Variants in EPHA8 observed in about 807,000 individuals in gnomAD.
EPHA8 encodes the protein ephrin type-A receptor 8.
In EPHA8, 58 loss-of-function variants were observed where a neutral mutation model predicts 103.6. The ratio of observed to expected loss-of-function variants is 0.56; its 90% CI spans 0.45 to 0.70. The LOEUF (loss-of-function observed/expected upper bound fraction) is 0.70, where lower values mean the gene tolerates loss of function less well. EPHA8 is among the 30% of genes least tolerant of loss of function. EPHA8 has a pLI of 0.00. For synonymous variants in EPHA8, 559 were observed against 572.5 expected, an observed-to-expected ratio of 0.98 and a Z score of 0.34; for missense variants, 1,304 against 1,395.2, an observed-to-expected ratio of 0.93 and a Z score of 1.04.
At chr1:22,582,445 G>A (rs1381590084) in intron 3 of EPHA8, among the ~76,000 whole-genome samples, 1 of 152,248 alleles carries the variant, frequency 6.6e-6, no homozygotes, top group Non-Finnish European at 1.5e-5. Context: ...TGATTTTGCA[G>A]AAGACAGTAT....
At chr1:22,579,223 A>ATGTGTGTGTATGTT (rs1225872343) in intron 3 of EPHA8, among the ~76,000 whole-genome samples, 16 of 148,492 alleles carry the variant, frequency 1.1e-4, no homozygotes, top group Admixed American at 8.0e-4. Context: ...GTGTGTATGT[A>ATGTGTGTGTATGTT]TGCATGTGTG....
chr1:22,576,099 GA>G lies in EPHA8; in HGVS notation c.160-117del. ...GGGCCTGGCATCTAGTAGCCACCAGGAGGCCAGCTCCTTTGTCTTTTTTTTT... is the reference window on the plus strand; with the variant it reads ...GGGCCTGGCATCTAGTAGCCACCAGGGGCCAGCTCCTTTGTCTTTTTTTTT... On this transcript the variant is annotated intron_variant, in intron 2 of 16. Transcript: ENST00000166244. This position sits in a 1 kb window ranked among gnomAD's most constrained non-coding sequence, Gnocchi z 4.8. 8.2e-7 allele frequency: 1 copy of G among 1,216,254 alleles called. No individual in the cohort carries two copies. Among genetic ancestry groups the G allele is most frequent in the Non-Finnish European group, 1.2e-6 (1 of 866,120 alleles). 75.3% of individuals were successfully genotyped at this position (1,216,254 alleles called of 1,614,324 possible).
chr1:22,566,683 G>C (rs560872185), intron 1 of EPHA8, among the ~76,000 whole-genome samples: 8 of 152,300 alleles, frequency 5.3e-5, no homozygotes, highest in African/African-American at 1.9e-4. Context: ...GTCCGGCAGC[G>C]CAAGAGGCAG....
At chr1:22,566,941 C>T (rs1640376311) in intron 1 of EPHA8, among the ~76,000 whole-genome samples, 1 of 152,106 alleles carries the variant, frequency 6.6e-6, no homozygotes, top group African/African-American at 2.4e-5. Context: ...TTGGAACAAA[C>T]AGCCCTGGAA....
At chr1:22,568,737 G>A (rs1451177383) in intron 1 of EPHA8, among the ~76,000 whole-genome samples, 1 of 152,248 alleles carries the variant, frequency 6.6e-6, no homozygotes, top group Non-Finnish European at 1.5e-5. Flanking sequence ...GGGGAACAGG[G>A]TGATTATGAA....
chr1:22,602,005 TCA>T lies in EPHA8; in HGVS notation c.*267_*268del, dbSNP rs1641753086. 5.3e-6 allele frequency: 3 copies of T among 563,228 alleles called. No homozygotes were observed. The South Asian group carries it at 6.9e-5, about 13-fold the overall frequency. The allele number at this position is 563,228 out of a possible 1,614,324, so 34.9% of individuals were successfully genotyped here. A position where few individuals can be genotyped will look rare whatever the true frequency, so the allele number is the denominator to read the frequency against. On this transcript the variant is annotated 3_prime_UTR_variant, in exon 17 of 17. Coordinates refer to ENST00000166244, the MANE Select transcript of EPHA8 (RefSeq NM_020526.5). ...TTTTCCAGAGCCTGGGGCCTCCACG[TCA>T]CAGAGTCCAACAGGGACATCACTCG...
Position 22,602,320 on chromosome 1 carries a change from A to G in EPHA8, c.*579A>G, listed in dbSNP as rs209698. 0.38 allele frequency: 59,910 copies of G among 156,804 alleles called. 12,363 individuals are homozygous for G. The highest frequency in any genetic ancestry group is 0.52 in the African/African-American group (21,698 of 41,432). The allele number at this position is 156,804 out of a possible 1,614,324, so 9.7% of individuals were successfully genotyped here. A position where few individuals can be genotyped will look rare whatever the true frequency, so the allele number is the denominator to read the frequency against. ...GAGGCTCACCCCTACGTCCCCCCAC[A>G]CCTGGAGGCTGGAGCCAGGGGCCAC... On this transcript the variant is annotated 3_prime_UTR_variant, in exon 17 of 17. Coordinates refer to ENST00000166244, the MANE Select transcript of EPHA8 (RefSeq NM_020526.5).
intron 13 of EPHA8, among the ~76,000 whole-genome samples, chr1:22,599,730 A>G (rs897887014): frequency 4.4e-3 from 4 of 918 alleles, no homozygotes; most frequent in Non-Finnish European, 9.6e-3. Flanking sequence ...GAGGGAGGGA[A>G]GGAAGGAGGG....
chr1:22,600,208 G>A (rs1230233449), intron 13 of EPHA8, among the ~76,000 whole-genome samples: 1 of 135,338 alleles, frequency 7.4e-6, no homozygotes, highest in Non-Finnish European at 1.6e-5. Context: ...GAGGGAGGGA[G>A]GAAGGTGGGA....
At chr1:22,586,779 G>A in intron 4 of EPHA8, 144 bp downstream of exon 4, 3 of 1,014,528 alleles carry the variant, frequency 3.0e-6, no homozygotes, top group Non-Finnish European at 4.1e-6. Context: ...CCAGTCTGAG[G>A]TGGGGGGGGT....
At chr1:22,594,297 G>C (rs756086659) in intron 7 of EPHA8, among the ~76,000 whole-genome samples, 1 of 152,212 alleles carries the variant, frequency 6.6e-6, no homozygotes, top group African/African-American at 2.4e-5. Flanking sequence ...ATGAAAAACC[G>C]AGGTTAGGAG....
At chr1:22,587,930 C>T (rs548163431) in intron 4 of EPHA8, among the ~76,000 whole-genome samples, 4 of 152,278 alleles carry the variant, frequency 2.6e-5, no homozygotes, top group East Asian at 1.9e-4. Context: ...CAGGTGACAG[C>T]GTGGGCACCT....
In EPHA8 at chr1:22,597,269, A is replaced by G. The variant is rs778773288; in HGVS notation, c.1766-43A>G. 7.3e-6 allele frequency: 11 copies of G among 1,510,936 alleles called. No homozygotes were observed. In the Admixed American group the frequency reaches 9.8e-5, roughly 13 times the overall value. 93.6% of individuals were successfully genotyped at this position (1,510,936 alleles called of 1,614,324 possible). A position where few individuals can be genotyped will look rare whatever the true frequency, so the allele number is the denominator to read the frequency against. On this transcript the variant is annotated intron_variant, in intron 9 of 16. Transcript: ENST00000166244. The surrounding 1 kb of genome is among the most constrained non-coding windows in gnomAD (Gnocchi z 4.6). ...GCCCAGGGAATGTCAGGAAAAAGCA[A>G]TCTCTCCTGGGCCCCACTGAAGGCC...
chr1:22,583,290 T>C (rs568687365), intron 3 of EPHA8, among the ~76,000 whole-genome samples: 2 of 152,380 alleles, frequency 1.3e-5, no homozygotes, highest in South Asian at 4.1e-4. Context: ...TGAGGCCTGG[T>C]GATTAGTATT....
Position 22,597,446 on chromosome 1 carries a change from A to G in EPHA8, c.1900A>G (p.Arg634Gly). The G allele has an allele frequency of 6.2e-7, 1 of 1,613,414 alleles. No individual in the cohort carries two copies. Among genetic ancestry groups the G allele is most frequent in the Non-Finnish European group, 8.5e-7 (1 of 1,179,942 alleles). The change falls in exon 10 of 17, where the codon AGG becomes GGG. Residue 634 changes from arginine to glycine, a missense_variant. By Grantham distance (125) the Arg-to-Gly change is moderately radical. Coordinates refer to ENST00000166244, the MANE Select transcript of EPHA8 (RefSeq NM_020526.5). This position sits in a 1 kb window ranked among gnomAD's most constrained non-coding sequence, Gnocchi z 4.6. ...RSFTREIEASRIHIEKIIGSG... is the reference protein window; with the variant it reads ...RSFTREIEASGIHIEKIIGSG... ...TTTCACTCGGGAGATCGAGGCCTCT[A>G]GGATCCACATCGAGAAAATCATCGG... is the stretch of plus-strand genomic sequence containing the variant.
At chr1:22,587,792 C>T (rs1360384597) in intron 4 of EPHA8, among the ~76,000 whole-genome samples, 1 of 152,180 alleles carries the variant, frequency 6.6e-6, no homozygotes, top group Non-Finnish European at 1.5e-5. Context: ...CAGGCGAGGG[C>T]CCAGGTGCAT....
At chr1:22,591,388 A>AT (rs112955282) in intron 5 of EPHA8, among the ~76,000 whole-genome samples, 21,085 of 143,046 alleles carry the variant, frequency 0.15, 1,647 homozygotes, top group South Asian at 0.21. Context: ...ATGCCCAGTG[A>AT]TTTTTTTTTT....
intron 13 of EPHA8, 146 bp from the exon 14 acceptor site, chr1:22,600,515 A>C: frequency 8.9e-7 from 1 of 1,126,012 alleles, no homozygotes; most frequent in Non-Finnish European, 1.3e-6. Flanking sequence ...GGCCTCCCTC[A>C]GGACAGGTGC....
chr1:22,567,381 C>T lies in EPHA8; in HGVS notation c.95-1908C>T, dbSNP rs1640395403. On this transcript the variant is annotated intron_variant, in intron 1 of 16. Coordinates refer to ENST00000166244, the MANE Select transcript of EPHA8 (RefSeq NM_020526.5). This position sits in a 1 kb window ranked among gnomAD's most constrained non-coding sequence, Gnocchi z 4.2. ...GCAGGAGGAGAGAGCTTGCCTGACCCAGTTTTCTCTACATTGCCTGAGAGG... is the reference window on the plus strand; with the variant it reads ...GCAGGAGGAGAGAGCTTGCCTGACCTAGTTTTCTCTACATTGCCTGAGAGG... Among the ~76,000 whole-genome samples the T allele has an allele frequency of 6.6e-6, 1 of 152,190 alleles. No individual in the cohort carries two copies. The highest frequency in any genetic ancestry group is 2.4e-5 in the African/African-American group (1 of 41,450).
Sources: allele counts gnomAD v4.1 joint callset (sites outside exome capture counted in the v4.1 genomes callset), GRCh38; gene constraint gnomAD v4.1.1; non-coding constraint Gnocchi (gnomAD v3.1); transcripts MANE v1.5; gene names NCBI Gene and HGNC (gene_info 2026-07-23, HGNC 2026-07-21).